USP13: variants seen among roughly 807,000 people sequenced by gnomAD.
USP13 encodes ubiquitin specific peptidase 13.
In USP13, 68 loss-of-function variants were observed where a neutral mutation model predicts 107.8. The ratio of observed to expected loss-of-function variants is 0.63; its 90% CI spans 0.52 to 0.77. The LOEUF is 0.77. USP13 is among the 30% of genes least tolerant of loss of function. USP13 has a pLI of 0.00. For synonymous variants in USP13, 377 were observed against 389.5 expected, an observed-to-expected ratio of 0.97 and a Z score of 0.38; for missense variants, 945 against 1,093.3, an observed-to-expected ratio of 0.86 and a Z score of 1.91.
At chr3:179,717,447 T>C (rs1342988923) in intron 6 of USP13, among the ~76,000 whole-genome samples, 1 of 152,212 alleles carries the variant, frequency 6.6e-6, no homozygotes, top group Non-Finnish European at 1.5e-5. Flanking sequence ...AGGTATGAAA[T>C]ATGATTTTCT....
intron 3 of USP13, 103 bp downstream of exon 3, chr3:179,690,404 G>C: frequency 9.4e-7 from 1 of 1,063,498 alleles, no homozygotes; most frequent in Non-Finnish European, 1.4e-6. Flanking sequence ...GTTTATTGCT[G>C]TACAATTTAA....
At position 179,701,013 on chromosome 3, in the gene USP13, G is replaced by T; in HGVS notation, c.361G>T (p.Asp121Tyr). 6.2e-7 allele frequency: 1 copy of T among 1,613,092 alleles called. No individual in the cohort carries two copies. Among genetic ancestry groups the T allele is most frequent in the South Asian group, 1.1e-5 (1 of 91,030 alleles). ...RRNSKIFLDL[D>Y]TDDDLNSDDY... Reference sequence around the variant, plus strand: ...TGTTTTTGTTTTCTCCTCAGATCTAGATACTGATGACGATTTAAATAGCGA... The same window carrying T: ...TGTTTTTGTTTTCTCCTCAGATCTATATACTGATGACGATTTAAATAGCGA... The change falls in exon 4 of 21, where the codon GAT becomes TAT. Residue 121 changes from aspartate (D) to tyrosine (Y), a missense_variant. Physicochemically the swap from Asp to Tyr is radical, Grantham distance 160. Transcript: ENST00000263966.
intron 3 of USP13, among the ~76,000 whole-genome samples, chr3:179,693,536 C>T (rs529940020): frequency 2.0e-5 from 3 of 152,276 alleles, no homozygotes; most frequent in African/African-American, 7.2e-5. Context: ...CTCCTAGGAA[C>T]AGGCACTTTT....
chr3:179,764,876 T>G (rs1367161238), intron 18 of USP13, among the ~76,000 whole-genome samples: 2 of 152,204 alleles, frequency 1.3e-5, no homozygotes, highest in African/African-American at 4.8e-5. Flanking sequence ...TAGGATCCGT[T>G]GCTGAGGTCA....
intron 4 of USP13, among the ~76,000 whole-genome samples, chr3:179,703,571 T>C (rs1422492644): frequency 2.0e-5 from 3 of 152,166 alleles, no homozygotes; most frequent in Non-Finnish European, 1.5e-5. Context: ...GGTGTGCTTG[T>C]AAATGTTTAA....
Position 179,778,079 on chromosome 3 carries a change from A to G in USP13, c.2414-3660A>G, listed in dbSNP as rs1452359606. Among the ~76,000 whole-genome samples the G allele has an allele frequency of 3.3e-5, 5 of 151,792 alleles. No homozygotes were observed. In the East Asian group the frequency reaches 7.7e-4, roughly 23 times the overall value. Reference sequence around the variant, plus strand: ...CCTGGCTTCTGATTTCAAACCTGGGATTTTTTTCTTTTCTTTTTTTTTCAG... The same window carrying G: ...CCTGGCTTCTGATTTCAAACCTGGGGTTTTTTTCTTTTCTTTTTTTTTCAG... On this transcript the variant is annotated intron_variant, in intron 19 of 20. Coordinates refer to ENST00000263966, the MANE Select transcript of USP13 (RefSeq NM_003940.3).
chr3:179,716,623 C>T (rs1318500289), intron 6 of USP13, among the ~76,000 whole-genome samples: 1 of 152,188 alleles, frequency 6.6e-6, no homozygotes, highest in African/African-American at 2.4e-5. Context: ...CGTCCAATAG[C>T]ATCGTTTTAA....
At chr3:179,671,832 C>T (rs920570536) in intron 1 of USP13, among the ~76,000 whole-genome samples, 5 of 152,140 alleles carry the variant, frequency 3.3e-5, no homozygotes, top group South Asian at 4.2e-4. Flanking sequence ...TGTGAGTCAC[C>T]GTCTTCCCGC....
chr3:179,660,272 T>A (rs973380052), intron 1 of USP13, among the ~76,000 whole-genome samples: 1 of 152,200 alleles, frequency 6.6e-6, no homozygotes, highest in African/African-American at 2.4e-5. Context: ...CATTTGACAA[T>A]AAACCCCCAC....
At chr3:179,674,723 T>C (rs1454261946) in intron 1 of USP13, among the ~76,000 whole-genome samples, 2 of 152,132 alleles carry the variant, frequency 1.3e-5, no homozygotes, top group Non-Finnish European at 2.9e-5. Context: ...CCGATTTATA[T>C]TGTAGGAGAG....
In USP13 at chr3:179,785,491, C is replaced by T. The variant is rs965846081; in HGVS notation, c.*1350C>T. On this transcript the variant is annotated 3_prime_UTR_variant, in exon 21 of 21. Coordinates refer to ENST00000263966, the MANE Select transcript of USP13 (RefSeq NM_003940.3). Reference sequence around the variant, plus strand: ...GCATTCTATAATTTCCATAATTTTCCTACTGGTCCGTACCAAATTCTAGAG... The same window carrying T: ...GCATTCTATAATTTCCATAATTTTCTTACTGGTCCGTACCAAATTCTAGAG... 1.3e-5 allele frequency: 2 copies of T among 152,112 alleles called. No homozygotes were observed. Among genetic ancestry groups the T allele is most frequent in the African/African-American group, 4.8e-5 (2 of 41,406 alleles). The allele number at this position is 152,112 out of a possible 1,614,324, so 9.4% of individuals were successfully genotyped here.
intron 2 of USP13, among the ~76,000 whole-genome samples, chr3:179,689,399 C>T (rs1040508727): frequency 6.6e-6 from 1 of 151,912 alleles, no homozygotes; most frequent in African/African-American, 2.4e-5. Flanking sequence ...TGGCTCACAC[C>T]TGTAAGCCCA....
chr3:179,660,897 C>T (rs1159562692), intron 1 of USP13, among the ~76,000 whole-genome samples: 8 of 152,206 alleles, frequency 5.3e-5, no homozygotes, highest in Non-Finnish European at 7.3e-5. Context: ...AAGTTGTTCT[C>T]GAGCAGTGAT....
intron 2 of USP13, among the ~76,000 whole-genome samples, chr3:179,684,672 C>T (rs1711803123): frequency 6.6e-6 from 1 of 152,182 alleles, no homozygotes; most frequent in South Asian, 2.1e-4. Context: ...TCTCTTCACT[C>T]TCTCAGTTGT....
intron 19 of USP13, among the ~76,000 whole-genome samples, chr3:179,775,423 TC>T (rs933920751): frequency 2.1e-4 from 32 of 152,336 alleles, no homozygotes; most frequent in African/African-American, 7.5e-4. Context: ...GTTCTCCAAG[TC>T]CCCACCCGAC....
At chr3:179,779,230 A>G (rs1218468785) in intron 19 of USP13, among the ~76,000 whole-genome samples, 1 of 142,270 alleles carries the variant, frequency 7.0e-6, no homozygotes, top group Non-Finnish European at 1.5e-5. Context: ...TTTGACTTCC[A>G]TTAAAAAAAA....
At chr3:179,781,580 T>C (rs1326102939) in intron 19 of USP13, among the ~76,000 whole-genome samples, 159 bp from the exon 20 acceptor site, 1 of 152,214 alleles carries the variant, frequency 6.6e-6, no homozygotes. Context: ...AGTGTCCCTC[T>C]GAGTATGTGT....
intron 19 of USP13, 107 bp downstream of exon 19, chr3:179,765,955 T>A: frequency 7.9e-7 from 1 of 1,263,162 alleles, no homozygotes; most frequent in Non-Finnish European, 1.1e-6. Flanking sequence ...ATTCAAAAGT[T>A]AGCACAGATC....
intron 19 of USP13, among the ~76,000 whole-genome samples, chr3:179,779,500 A>C (rs926281552): frequency 4.6e-5 from 7 of 152,100 alleles, no homozygotes; most frequent in Admixed American, 1.3e-4. Context: ...ACTGCACTCC[A>C]GACTGGGTGA....
Sources: allele counts gnomAD v4.1 joint callset (sites outside exome capture counted in the v4.1 genomes callset), GRCh38; gene constraint gnomAD v4.1.1; transcripts MANE v1.5; gene names NCBI Gene and HGNC (gene_info 2026-07-23, HGNC 2026-07-21).